The following CMTR1 variants were observed in gnomAD, a reference collection of about 807,000 sequenced individuals.
CMTR1 encodes cap-specific mRNA (nucleoside-2'-O-)-methyltransferase 1.
In CMTR1, 39 loss-of-function variants were observed where a neutral mutation model predicts 107.0. The ratio of observed to expected loss-of-function variants is 0.36; its 90% CI spans 0.28 to 0.48. The LOEUF (loss-of-function observed/expected upper bound fraction) is 0.48, where lower values mean the gene tolerates loss of function less well. Among genes scored for constraint, CMTR1 ranks in the 20% least tolerant of loss-of-function variants. The probability of loss-of-function intolerance (pLI) is 0.99; values close to 1 mark genes in which losing one functional copy is unlikely to be tolerated. For missense variants in CMTR1, 672 were observed against 1,064.9 expected (o/e 0.63, Z 5.14); for synonymous variants, 366 against 379.5 (o/e 0.96, Z 0.41).
chr6:37,456,135 A>G (rs908098647), intron 8 of CMTR1, among the ~76,000 whole-genome samples: 2 of 152,224 alleles, frequency 1.3e-5, no homozygotes, highest in African/African-American at 4.8e-5. Flanking sequence ...CCTTTGGACC[A>G]GTGGTTCACT....
At position 37,458,941 on chromosome 6, in the gene CMTR1, A is replaced by C. The variant is rs1276719157; in HGVS notation, c.976+131A>C. 3.7e-6 allele frequency: 3 copies of C among 816,626 alleles called. No individual in the cohort carries two copies. The Admixed American group carries it at 8.1e-5, about 22-fold the overall frequency. 50.6% of individuals were successfully genotyped at this position (816,626 alleles called of 1,614,324 possible). On this transcript the variant is annotated intron_variant, in intron 9 of 23. Coordinates refer to ENST00000373451, the MANE Select transcript of CMTR1 (RefSeq NM_015050.3). The surrounding 1 kb of genome is among the most constrained non-coding windows in gnomAD (Gnocchi z 4.7). ...TCTCTTACCCTGGGCTTCACAGTTC[A>C]TGTCAGAATCTTGGTTCCCTCTGGA...
In CMTR1 at chr6:37,461,618, C is replaced by G; in HGVS notation, c.1165C>G (p.Leu389Val). 1 of 1,611,626 alleles carries G rather than the reference C, an allele frequency of 6.2e-7. No individual in the cohort carries two copies. Among genetic ancestry groups the G allele is most frequent in the Non-Finnish European group, 8.5e-7 (1 of 1,178,556 alleles). ...LSKQLLLCQF[L>V]MALSIVRTGG... ...CAAGCAGCTGCTTCTGTGTCAGTTC[C>G]TCATGGCGCTGTCCATTGTCCGGAC... Residue 389 changes from leucine to valine, a missense_variant, in exon 11 of 24, where the codon CTC (leucine) becomes GTC (valine). Leu to Val is a conservative substitution (Grantham distance 32). Transcript: ENST00000373451.
chr6:37,459,708 CTGATGCA>C, intron 10 of CMTR1, 24 bp downstream of exon 10: 1 of 1,466,764 alleles, frequency 6.8e-7, no homozygotes, highest in Non-Finnish European at 9.6e-7. Context: ...TTTCCATAGA[CTGATGCA>C]TTAAGGATTT....
intron 1 of CMTR1, among the ~76,000 whole-genome samples, chr6:37,435,157 T>C (rs553625758): frequency 1.3e-5 from 2 of 152,350 alleles, no homozygotes; most frequent in South Asian, 4.1e-4. Context: ...ATTTCTTAAT[T>C]GTTTTGGTAA....
intron 8 of CMTR1, among the ~76,000 whole-genome samples, chr6:37,457,420 C>T (rs1761319319): frequency 6.6e-6 from 1 of 152,024 alleles, no homozygotes; most frequent in South Asian, 2.1e-4. Context: ...GTGCCCTGCC[C>T]CAACCCCACA....
In CMTR1 at chr6:37,462,931, C is replaced by T. The variant is rs762271879; in HGVS notation, c.1428C>T (p.Asp476=). 21 of 1,614,008 alleles carry T rather than the reference C, an allele frequency of 1.3e-5. 1 individual carries two copies. The highest frequency in any genetic ancestry group is 1.6e-4 in the Middle Eastern group (1 of 6,078). ...ATCAGCTGCGGAACACGGATTCCGA[C>T]GTCAACTTGGTGGTCCCCCTGGAGG... ...KLNQLRNTDS[D]VNLVVPLEVI... is the part of the protein sequence containing the mutation. Residue 476 remains aspartate (D), a synonymous_variant, in exon 13 of 24, where the codon GAC becomes GAT. Coordinates refer to ENST00000373451, the MANE Select transcript of CMTR1 (RefSeq NM_015050.3).
In CMTR1 at chr6:37,478,603, C is replaced by T. The variant is rs956084609; in HGVS notation, c.2266+82C>T. The stretch of plus-strand genomic sequence containing the variant: ...GTGATGGGTCCAGACCCTACCTGAG[C>T]CAGAGCGAAGGGCTCCCAGCTAAGG... On this transcript the variant is annotated intron_variant, in intron 22 of 23. Coordinates refer to ENST00000373451, the MANE Select transcript of CMTR1 (RefSeq NM_015050.3). 1.5e-5 allele frequency: 17 copies of T among 1,156,776 alleles called. No individual in the cohort carries two copies. The African/African-American group carries it at 1.5e-4, about 10-fold the overall frequency. 71.7% of individuals were successfully genotyped at this position (1,156,776 alleles called of 1,614,324 possible). A position where few individuals can be genotyped will look rare whatever the true frequency, so the allele number is the denominator to read the frequency against.
intron 18 of CMTR1, among the ~76,000 whole-genome samples, chr6:37,474,948 C>T (rs937856358): frequency 6.6e-6 from 1 of 152,118 alleles, no homozygotes; most frequent in Non-Finnish European, 1.5e-5. Flanking sequence ...CCAGAGATCC[C>T]TTGGGAAACA....
At chr6:37,432,112 C>T (rs1354195401), upstream of CMTR1, among the ~76,000 whole-genome samples, 2 of 152,178 alleles carry the variant, frequency 1.3e-5, no homozygotes, top group Admixed American at 1.3e-4. Flanking sequence ...GCCACCGCGC[C>T]CGGCGGAGAC....
At position 37,473,462 on chromosome 6, in the gene CMTR1, G is replaced by C; in HGVS notation, c.1690-8G>C. On this transcript the variant is annotated splice_region_variant and splice_polypyrimidine_tract_variant and intron_variant, in intron 16 of 23. Transcript: ENST00000373451. Reference sequence around the variant, plus strand: ...CCCGGCAGTGTTTTCTCTGACTCGTGGCTGCAGGGCACTGAGATTGACATC... The same window carrying C: ...CCCGGCAGTGTTTTCTCTGACTCGTCGCTGCAGGGCACTGAGATTGACATC... 1 of 1,612,000 alleles carries C rather than the reference G, an allele frequency of 6.2e-7. No homozygotes were observed. Among genetic ancestry groups the C allele is most frequent in the Non-Finnish European group, 8.5e-7 (1 of 1,178,850 alleles).
At chr6:37,474,985 G>A (rs1411439133) in intron 18 of CMTR1, among the ~76,000 whole-genome samples, 2 of 152,206 alleles carry the variant, frequency 1.3e-5, no homozygotes, top group Non-Finnish European at 2.9e-5. Context: ...GGAGCCATGA[G>A]TATGAAATCT....
chr6:37,471,169 AACAT>A, intron 14 of CMTR1, 92 bp downstream of exon 14: 15 of 1,097,702 alleles, frequency 1.4e-5, no homozygotes, highest in Non-Finnish European at 2.0e-5. Context: ...CATTTCAACA[AACAT>A]TTTAAAACAC....
chr6:37,467,224 C>A (rs1479213007), intron 13 of CMTR1, among the ~76,000 whole-genome samples: 1 of 152,136 alleles, frequency 6.6e-6, no homozygotes, highest in African/African-American at 2.4e-5. Context: ...TTTTAATTAA[C>A]CTATGGCTCA....
intron 2 of CMTR1, among the ~76,000 whole-genome samples, chr6:37,437,257 T>C (rs1771550444): frequency 6.6e-6 from 1 of 150,956 alleles, no homozygotes; most frequent in African/African-American, 2.4e-5. Flanking sequence ...CCAGGCGCGG[T>C]GGCTCACAGT....
intron 8 of CMTR1, among the ~76,000 whole-genome samples, chr6:37,453,830 C>T (rs971211649): frequency 6.6e-6 from 1 of 152,162 alleles, no homozygotes; most frequent in African/African-American, 2.4e-5. Context: ...GGCCTCAGCT[C>T]CCTCATTCTG....
At chr6:37,453,369 G>A (rs1761225592) in intron 8 of CMTR1, 57 bp downstream of exon 8, 1 of 1,485,742 alleles carries the variant, frequency 6.7e-7, no homozygotes, top group Admixed American at 1.7e-5. Context: ...AAGTTTCAGT[G>A]GCTCAGCCAT....
At chr6:37,434,111 T>C (rs986568059) in intron 1 of CMTR1, among the ~76,000 whole-genome samples, 4 of 152,024 alleles carry the variant, frequency 2.6e-5, no homozygotes, top group African/African-American at 9.7e-5. Flanking sequence ...CTTTTGGGGG[T>C]ATTTAAGACT....
upstream of CMTR1, among the ~76,000 whole-genome samples, chr6:37,431,012 CAAAAAAAAAAA>C: frequency 2.0e-5 from 1 of 50,326 alleles, no homozygotes; most frequent in South Asian, 7.0e-4. Context: ...GACTCCGTCT[CAAAAAAAAAAA>C]AAAAAAAAAA....
intron 13 of CMTR1, among the ~76,000 whole-genome samples, chr6:37,463,870 A>G (rs1178333199): frequency 8.5e-5 from 13 of 152,238 alleles, no homozygotes; most frequent in Admixed American, 8.5e-4. Flanking sequence ...TGGAGCAGAC[A>G]GTAAACTTCA....
Sources: gnomAD v4.1 joint callset for allele counts (sites outside exome capture counted in the v4.1 genomes callset) on GRCh38, gnomAD v4.1.1 for gene constraint, Gnocchi (gnomAD v3.1) non-coding constraint, MANE v1.5 for transcripts, NCBI Gene and HGNC (gene_info 2026-07-23, HGNC 2026-07-21) for gene names.